PRKACB: variants seen among roughly 807,000 people sequenced by gnomAD.
The protein encoded by PRKACB is cAMP-dependent protein kinase catalytic subunit beta.
PRKACB carries 16 observed loss-of-function variants against 51.4 expected under a neutral mutation model. That is an observed-to-expected ratio of 0.31 (90% confidence interval 0.21 to 0.47). PRKACB has a LOEUF of 0.47. Ranked by LOEUF, PRKACB falls within the 20% of genes least tolerant of loss-of-function variation. The pLI, the probability that PRKACB is intolerant of heterozygous loss-of-function variation, is 1.00. For synonymous variants in PRKACB, 147 were observed against 154.4 expected (o/e 0.95, Z 0.35); for missense variants, 309 against 464.5 (o/e 0.67, Z 3.08).
At chr1:84,137,274 T>A (rs1489756671) in intron 1 of PRKACB, among the ~76,000 whole-genome samples, 2 of 152,154 alleles carry the variant, frequency 1.3e-5, no homozygotes, top group Non-Finnish European at 2.9e-5. Flanking sequence ...TTTAAATACA[T>A]ATTACTAAGT....
At chr1:84,093,050 T>C (rs1326538278) in intron 1 of PRKACB, among the ~76,000 whole-genome samples, 1 of 152,126 alleles carries the variant, frequency 6.6e-6, no homozygotes, top group Non-Finnish European at 1.5e-5. Flanking sequence ...CTTTTCACTT[T>C]CTTAACGATG....
chr1:84,087,996 G>A (rs1310135712), intron 1 of PRKACB, among the ~76,000 whole-genome samples: 1 of 152,146 alleles, frequency 6.6e-6, no homozygotes, highest in Non-Finnish European at 1.5e-5. Flanking sequence ...TTATGAGAAT[G>A]TTGTAGGAAG....
intron 1 of PRKACB, among the ~76,000 whole-genome samples, chr1:84,080,737 T>C (rs1417051062): frequency 1.3e-5 from 2 of 150,946 alleles, no homozygotes; most frequent in Non-Finnish European, 2.9e-5. Flanking sequence ...TTTAGAAATA[T>C]ATGATGTTAG....
intron 7 of PRKACB, among the ~76,000 whole-genome samples, chr1:84,200,359 G>T (rs1270992743): frequency 6.6e-6 from 1 of 152,112 alleles, no homozygotes; most frequent in African/African-American, 2.4e-5. Context: ...ATTTGTTTAA[G>T]TTCCTCATAG....
At chr1:84,082,287 C>G (rs985415242) in intron 1 of PRKACB, among the ~76,000 whole-genome samples, 1 of 152,172 alleles carries the variant, frequency 6.6e-6, no homozygotes, top group Admixed American at 6.5e-5. Context: ...CTAAGACACA[C>G]AGAATAGCTT....
At chr1:84,176,969 A>G (rs1661507369) in intron 1 of PRKACB, among the ~76,000 whole-genome samples, 1 of 152,010 alleles carries the variant, frequency 6.6e-6, no homozygotes, top group African/African-American at 2.4e-5. Context: ...ACCATCTTTG[A>G]CAAATACTGT....
chr1:84,144,737 A>G (rs570228291), intron 1 of PRKACB, among the ~76,000 whole-genome samples, 189 bp downstream of exon 1: 3 of 152,178 alleles, frequency 2.0e-5, no homozygotes, highest in East Asian at 1.9e-4. Flanking sequence ...TTCAGCTTTC[A>G]TCATTGTATG....
At chr1:84,139,501 G>C (rs201774715), upstream of PRKACB, among the ~76,000 whole-genome samples, 58 of 152,130 alleles carry the variant, frequency 3.8e-4, no homozygotes, top group East Asian at 0.011. Flanking sequence ...AAATACTTAG[G>C]TATAAATCTA....
At chr1:84,223,319 A>T (rs1674028098) in intron 9 of PRKACB, among the ~76,000 whole-genome samples, 1 of 144,322 alleles carries the variant, frequency 6.9e-6, no homozygotes, top group East Asian at 2.0e-4. Flanking sequence ...TTTTCATTTC[A>T]TTCATTGAAT....
chr1:84,155,722 A>G (rs1019016207), intron 1 of PRKACB, among the ~76,000 whole-genome samples: 1 of 152,178 alleles, frequency 6.6e-6, no homozygotes, highest in Admixed American at 6.5e-5. Context: ...TATTACTTTC[A>G]TGTCCTGAAA....
intron 1 of PRKACB, among the ~76,000 whole-genome samples, chr1:84,094,556 A>G (rs1648776662): frequency 6.6e-6 from 1 of 151,916 alleles, no homozygotes; most frequent in Non-Finnish European, 1.5e-5. Flanking sequence ...CTGTGTTCAG[A>G]GAACATGTTT....
intron 1 of PRKACB, among the ~76,000 whole-genome samples, chr1:84,132,178 C>T (rs1264208095): frequency 6.6e-6 from 1 of 152,094 alleles, no homozygotes; most frequent in Non-Finnish European, 1.5e-5. Context: ...AGGTTTAATC[C>T]TAAAATTATA....
At chr1:84,154,155 A>G (rs72710861) in intron 1 of PRKACB, among the ~76,000 whole-genome samples, 2,810 of 152,176 alleles carry the variant, frequency 0.018, 39 homozygotes, top group Non-Finnish European at 0.029. Flanking sequence ...CCCATTGACC[A>G]TTTTTATGTC....
chr1:84,150,145 G>A (rs1313337882), intron 1 of PRKACB, among the ~76,000 whole-genome samples: 2 of 152,010 alleles, frequency 1.3e-5, no homozygotes, highest in Non-Finnish European at 2.9e-5. Flanking sequence ...AGGTGTGGTG[G>A]CGCACACCTG....
intron 1 of PRKACB, among the ~76,000 whole-genome samples, chr1:84,103,358 A>G (rs959746166): frequency 2.7e-5 from 4 of 150,168 alleles, no homozygotes; most frequent in African/African-American, 7.4e-5. Flanking sequence ...AAGTCTGACT[A>G]TTCTGAGACC....
chr1:84,136,623 C>A (rs2100573179), intron 1 of PRKACB, among the ~76,000 whole-genome samples: 1 of 152,188 alleles, frequency 6.6e-6, no homozygotes, highest in East Asian at 1.9e-4. Context: ...GACAGTTTGG[C>A]AATTTCTTGA....
At position 84,120,534 on chromosome 1, in the gene PRKACB, CAA is replaced by C. The variant is rs1650975880; in HGVS notation, c.46+42164_46+42165del. ...AGAACAATAATTGTGTAAAAACACA[CAA>C]TAATGACTGTGCATCAAAAAATAGT... On this transcript the variant is annotated intron_variant, in intron 1 of 8. Coordinates refer to the PRKACB transcript ENST00000370688. 1.3e-5 allele frequency among the ~76,000 whole-genome samples: 2 copies of C among 151,924 alleles called. 1 individual carries two copies. The highest frequency in any genetic ancestry group is 4.1e-4 in the South Asian group (2 of 4,820).
chr1:84,124,438 A>G (rs1442089635), intron 1 of PRKACB, among the ~76,000 whole-genome samples: 1 of 152,190 alleles, frequency 6.6e-6, no homozygotes, highest in Non-Finnish European at 1.5e-5. Context: ...TTTTACACAC[A>G]TTATCTGAAG....
intron 1 of PRKACB, among the ~76,000 whole-genome samples, chr1:84,155,298 A>G (rs1031802811): frequency 6.6e-6 from 1 of 152,356 alleles, no homozygotes; most frequent in African/African-American, 2.4e-5. Context: ...AAAAATGCAT[A>G]GGAATAACTT....
Sources: allele counts gnomAD v4.1 joint callset (sites outside exome capture counted in the v4.1 genomes callset), GRCh38; gene constraint gnomAD v4.1.1; transcripts MANE v1.5; gene names NCBI Gene and HGNC (gene_info 2026-07-23, HGNC 2026-07-21).